Variants in POLA1 observed in about 807,000 individuals in gnomAD.
The protein encoded by POLA1 is DNA polymerase alpha 1, catalytic subunit.
POLA1 carries 15 observed loss-of-function variants against 124.0 expected under a neutral mutation model. That is an observed-to-expected ratio of 0.12 (90% CI 0.08 to 0.19). POLA1 has a LOEUF of 0.19. POLA1 is among the 10% of genes least tolerant of loss of function. POLA1 has a pLI of 1.00. For synonymous variants in POLA1, 408 were observed against 389.4 expected, an observed-to-expected ratio of 1.05 and a Z score of -0.56; for missense variants, 886 against 1,103.4, an observed-to-expected ratio of 0.80 and a Z score of 2.79.
chrX:24,791,580 T>C (rs906629601), intron 26 of POLA1, among the ~76,000 whole-genome samples: 8 of 112,012 alleles, frequency 7.1e-5, no homozygotes, highest in Non-Finnish European at 1.5e-4. Flanking sequence ...GAGATGGAGT[T>C]TCATCATGTT....
At chrX:24,710,609 C>T (rs1042063586) in intron 4 of POLA1, among the ~76,000 whole-genome samples, 1 of 109,174 alleles carries the variant, frequency 9.2e-6, no homozygotes, top group African/African-American at 3.3e-5. Context: ...GTTTGAATGC[C>T]TGCTTTCAAT....
intron 33 of POLA1, among the ~76,000 whole-genome samples, chrX:24,842,741 G>T (rs1222949983): frequency 9.0e-6 from 1 of 111,448 alleles, no homozygotes; most frequent in Non-Finnish European, 1.9e-5. Context: ...TGGAAGAGCC[G>T]ATGTCAAGCT....
chrX:24,917,358 T>C (rs1173215276), intron 35 of POLA1, among the ~76,000 whole-genome samples: 1 of 111,587 alleles, frequency 9.0e-6, no homozygotes, highest in Non-Finnish European at 1.9e-5. Flanking sequence ...AGTGCCATTA[T>C]TGTCCTGGCA....
In POLA1 at chrX:24,955,671, C is replaced by CG. The variant is rs753710128; in HGVS notation, c.4261+25124dup. 2.0e-3 allele frequency among the ~76,000 whole-genome samples: 220 copies of CG among 112,004 alleles called. 1 individual carries two copies. The highest frequency in any genetic ancestry group is 3.6e-3 in the Non-Finnish European group (192 of 53,210). On this transcript the variant is annotated intron_variant, in intron 36 of 36. Transcript: ENST00000379068. ...ATGGGGTGGGTTAGTACAGTGCTCA[C>CG]GGAGAATAAGACTGACATGGACTTG...
At chrX:24,740,825 C>T (rs1032441365) in intron 20 of POLA1, among the ~76,000 whole-genome samples, 2 of 111,892 alleles carry the variant, frequency 1.8e-5, no homozygotes, top group Non-Finnish European at 1.9e-5. Flanking sequence ...TCCACTGTTT[C>T]CTAACAAAAA....
At chrX:24,747,147 G>T (rs1932048198) in intron 24 of POLA1, among the ~76,000 whole-genome samples, 1 of 108,583 alleles carries the variant, frequency 9.2e-6, no homozygotes. Context: ...ATTTAAATGT[G>T]CTCCAAGCTC....
At chrX:24,886,581 G>A (rs892303153) in intron 34 of POLA1, among the ~76,000 whole-genome samples, 1 of 111,568 alleles carries the variant, frequency 9.0e-6, no homozygotes, top group Non-Finnish European at 1.9e-5. Context: ...CCTATTCCGA[G>A]GAATGAGGTC....
chrX:24,879,596 A>G (rs184022498), intron 34 of POLA1, among the ~76,000 whole-genome samples: 21 of 111,922 alleles, frequency 1.9e-4, no homozygotes, highest in African/African-American at 6.8e-4. Flanking sequence ...TTTTGTTGAC[A>G]GTTGACAGAC....
intron 26 of POLA1, among the ~76,000 whole-genome samples, chrX:24,759,775 T>C (rs1474519989): frequency 1.8e-5 from 2 of 112,367 alleles, no homozygotes; most frequent in Non-Finnish European, 3.8e-5. Flanking sequence ...TCTGCTGAGA[T>C]AGATTAAGTT....
At chrX:24,741,115 T>TTGTGTG (rs751996539) in intron 20 of POLA1, among the ~76,000 whole-genome samples, 1,103 of 89,557 alleles carry the variant, frequency 0.012, 15 homozygotes, top group African/African-American at 0.041. Flanking sequence ...TTATGGGATT[T>TTGTGTG]TGTGTGTGTG....
rs1931524188 is a variant in POLA1, at chrX:24,739,809, C to G, written c.2216+259C>G. Among the ~76,000 whole-genome samples, 3 of 112,163 alleles carry G rather than the reference C, an allele frequency of 2.7e-5. No individual in the cohort carries two copies. The East Asian group carries it at 8.4e-4, about 31-fold the overall frequency. On this transcript the variant is annotated intron_variant, in intron 20 of 36. Transcript: ENST00000379068. Reference sequence around the variant, plus strand: ...TGGATTTAGATTTCTACTCTTAATTCATTTATTCAGGAATTAGGGTAGATA... The same window carrying G: ...TGGATTTAGATTTCTACTCTTAATTGATTTATTCAGGAATTAGGGTAGATA...
At chrX:24,975,752 CTG>C (rs1246974412) in intron 36 of POLA1, among the ~76,000 whole-genome samples, 1 of 112,579 alleles carries the variant, frequency 8.9e-6, no homozygotes, top group Admixed American at 9.4e-5. Flanking sequence ...TGCTCTAGAA[CTG>C]TGAGATCTGT....
rs1216916698 is a variant in POLA1, at chrX:24,693,934, T to G, written c.-28T>G. ...GGCCCCCGCGCCAGTTTTGGGCTGGTTGGCGCGGAATCGGGAGATTCGGGA... is the reference window on the plus strand; with the variant it reads ...GGCCCCCGCGCCAGTTTTGGGCTGGGTGGCGCGGAATCGGGAGATTCGGGA... On this transcript the variant is annotated 5_prime_UTR_variant, in exon 1 of 37. Transcript: ENST00000379068. The G allele has an allele frequency of 2.5e-6, 3 of 1,183,983 alleles. No homozygotes were observed. The highest frequency in any genetic ancestry group is 3.4e-6 in the Non-Finnish European group (3 of 880,512).
intron 35 of POLA1, among the ~76,000 whole-genome samples, chrX:24,915,832 C>CT (rs886537352): frequency 1.8e-5 from 2 of 111,832 alleles, no homozygotes; most frequent in African/African-American, 6.5e-5. Context: ...AGTGAAGTGG[C>CT]TAAGGCAGAA....
intron 30 of POLA1, among the ~76,000 whole-genome samples, chrX:24,820,713 T>G (rs1381714609): frequency 2.0e-5 from 2 of 100,733 alleles, no homozygotes; most frequent in Non-Finnish European, 2.0e-5. Context: ...ATTTTAGAGG[T>G]TTTTTTTTTT....
chrX:24,723,169 T>A lies in POLA1; in HGVS notation c.1102T>A (p.Phe368Ile). ...TATTCTTTCAGGTGTGGTATTTCTG[T>A]TTGGGAAAGTTTGGATTGAATCAGC... ...QYNQPGVVFL[F>I]GKVWIESAET... Residue 368 changes from phenylalanine to isoleucine, a missense_variant, in exon 11 of 37, where the codon TTT becomes ATT. This residue lies in a region of POLA1 where 337 missense variants were observed against 402.8 expected (regional missense o/e 0.84). Coordinates refer to ENST00000379068, the MANE Select transcript of POLA1 (RefSeq NM_001330360.2). 1 of 1,193,956 alleles carries A rather than the reference T, an allele frequency of 8.4e-7. No homozygotes were observed. The highest frequency in any genetic ancestry group is 1.1e-6 in the Non-Finnish European group (1 of 879,463).
intron 18 of POLA1, 119 bp downstream of exon 18, chrX:24,735,607 A>C: frequency 2.3e-6 from 1 of 441,088 alleles, no homozygotes; most frequent in East Asian, 3.9e-5. Context: ...GATCCTGTGG[A>C]CTGGTGGGAA....
intron 34 of POLA1, among the ~76,000 whole-genome samples, chrX:24,864,726 GT>G (rs758602081): frequency 6.5e-4 from 64 of 98,123 alleles, no homozygotes; most frequent in Admixed American, 2.4e-3. Flanking sequence ...GCTATGGAAT[GT>G]TTTTTTTTTT....
chrX:24,900,631 T>A (rs1190644120), intron 35 of POLA1, among the ~76,000 whole-genome samples: 1 of 112,244 alleles, frequency 8.9e-6, no homozygotes, highest in African/African-American at 3.2e-5. Context: ...TGTAGGCAGA[T>A]GCATTTCCGC....
Sources: allele counts gnomAD v4.1 joint callset (sites outside exome capture counted in the v4.1 genomes callset), GRCh38; gene constraint gnomAD v4.1.1; regional missense constraint gnomAD v4.1.1; transcripts MANE v1.5; gene names NCBI Gene and HGNC (gene_info 2026-07-23, HGNC 2026-07-21).